SUFU: variants seen among roughly 807,000 people sequenced by gnomAD.
The protein encoded by SUFU is suppressor of fused homolog.
In SUFU, 7 loss-of-function variants were observed where a neutral mutation model predicts 58.9. The observed-to-expected ratio is 0.12, with a 90% CI of 0.07 to 0.22. SUFU has a LOEUF of 0.22. Among genes scored for constraint, SUFU ranks in the 10% least tolerant of loss-of-function variants. SUFU has a pLI of 1.00. For missense variants in SUFU, 451 were observed against 641.3 expected (o/e 0.70, Z 3.20); for synonymous variants, 232 against 254.8 (o/e 0.91, Z 0.85).
Position 102,630,349 on chromosome 10 carries a change from C to T in SUFU, c.*194C>T, listed in dbSNP as rs796678894. ...TCCACCTCACCTCCAGCTCAGGGGC[C>T]GCACCCCGCCGCTGGCTAAGCCTTG... On this transcript the variant is annotated 3_prime_UTR_variant, in exon 12 of 12. Coordinates refer to ENST00000369902, the MANE Select transcript of SUFU (RefSeq NM_016169.4). 2.9e-5 allele frequency: 18 copies of T among 618,200 alleles called. No homozygotes were observed. Among genetic ancestry groups the T allele is most frequent in the South Asian group, 9.3e-5 (5 of 53,740 alleles). 38.3% of individuals were successfully genotyped at this position (618,200 alleles called of 1,614,324 possible).
chr10:102,578,055 C>T (rs1431738948), intron 3 of SUFU, among the ~76,000 whole-genome samples: 2 of 148,998 alleles, frequency 1.3e-5, no homozygotes, highest in Admixed American at 6.7e-5. Context: ...TGCCTGTAAT[C>T]CCAGTACTTT....
At chr10:102,582,935 A>C (rs758591516) in intron 3 of SUFU, among the ~76,000 whole-genome samples, 3 of 152,128 alleles carry the variant, frequency 2.0e-5, no homozygotes, top group Admixed American at 6.5e-5. Flanking sequence ...TGACTTTTCA[A>C]TGAGGATACC....
At position 102,593,975 on chromosome 10, in the gene SUFU, C is replaced by T; in HGVS notation, c.684-18C>T. ...CCAGACCCTCAGTTACCATTGTATC[C>T]CCTTTCCTTGTCCACAGTGCTGGCG... On this transcript the variant is annotated intron_variant, in intron 5 of 11. Coordinates refer to ENST00000369902, the MANE Select transcript of SUFU (RefSeq NM_016169.4). The T allele has an allele frequency of 6.2e-7, 1 of 1,614,090 alleles. No homozygotes were observed. The highest frequency in any genetic ancestry group is 8.5e-7 in the Non-Finnish European group (1 of 1,179,972).
chr10:102,533,475 G>T (rs1017935933), intron 2 of SUFU, among the ~76,000 whole-genome samples: 4 of 151,902 alleles, frequency 2.6e-5, no homozygotes, highest in African/African-American at 9.7e-5. Flanking sequence ...TTGGGAGGTT[G>T]AGGTGAGAGG....
chr10:102,515,497 G>C (rs2062457785), intron 2 of SUFU, among the ~76,000 whole-genome samples: 1 of 151,920 alleles, frequency 6.6e-6, no homozygotes, highest in Non-Finnish European at 1.5e-5. Context: ...TGTATTTTTA[G>C]TAGAGACGGG....
At chr10:102,585,220 T>G (rs561635599) in intron 3 of SUFU, among the ~76,000 whole-genome samples, 92 of 152,328 alleles carry the variant, frequency 6.0e-4, no homozygotes, top group African/African-American at 2.0e-3. Context: ...AACCTCATAT[T>G]GGTCACTCCC....
intron 3 of SUFU, among the ~76,000 whole-genome samples, chr10:102,555,852 G>A (rs2062970100): frequency 6.6e-6 from 1 of 152,224 alleles, no homozygotes; most frequent in South Asian, 2.1e-4. Flanking sequence ...ACATGCATAT[G>A]TACTGTACAG....
At position 102,546,087 on chromosome 10, in the gene SUFU, G is replaced by T. The variant is rs1000381240; in HGVS notation, c.318-3883G>T. Among the ~76,000 whole-genome samples, 12 of 152,318 alleles carry T rather than the reference G, an allele frequency of 7.9e-5. 1 individual carries two copies. The Middle Eastern group carries it at 0.014, about 173-fold the overall frequency. Reference sequence around the variant, plus strand: ...TGAGGTACTCTGGGGGAGACCTTTGGGTGAGTTCTGATGGTCAGGCTGTTG... The same window carrying T: ...TGAGGTACTCTGGGGGAGACCTTTGTGTGAGTTCTGATGGTCAGGCTGTTG... On this transcript the variant is annotated intron_variant, in intron 2 of 11. Transcript: ENST00000369902.
chr10:102,553,300 C>T (rs1024384246), intron 3 of SUFU, among the ~76,000 whole-genome samples: 4 of 151,986 alleles, frequency 2.6e-5, no homozygotes, highest in Non-Finnish European at 5.9e-5. Context: ...TGGCTATGGG[C>T]CTAAATGGTG....
chr10:102,504,794 TG>T (rs984369306), intron 1 of SUFU, among the ~76,000 whole-genome samples: 2 of 126,360 alleles, frequency 1.6e-5, no homozygotes, highest in African/African-American at 6.0e-5. Context: ...CTGCATAGAA[TG>T]GGGGGTTCGG....
intron 8 of SUFU, among the ~76,000 whole-genome samples, chr10:102,602,006 A>G (rs2063518658): frequency 1.3e-5 from 2 of 152,254 alleles, no homozygotes; most frequent in South Asian, 4.1e-4. Context: ...GCAGCTGATC[A>G]AGCCTGGGCA....
At chr10:102,603,256 G>A (rs1408459532) in intron 8 of SUFU, among the ~76,000 whole-genome samples, 1 of 152,090 alleles carries the variant, frequency 6.6e-6, no homozygotes, top group Non-Finnish European at 1.5e-5. Context: ...CGAGCTCCTG[G>A]CCTCAAGTGA....
Position 102,560,357 on chromosome 10 carries a change from G to A in SUFU, c.454+10251G>A, listed in dbSNP as rs183585102. 3.3e-3 allele frequency among the ~76,000 whole-genome samples: 509 copies of A among 152,150 alleles called. 5 individuals carry two copies. The highest frequency in any genetic ancestry group is 0.012 in the African/African-American group (478 of 41,506). Reference sequence around the variant, plus strand: ...GGCTGAGATGGGTGGATCACTTGAGGTCAGGAGTTTGAGACCAGCCTGGCC... The same window carrying A: ...GGCTGAGATGGGTGGATCACTTGAGATCAGGAGTTTGAGACCAGCCTGGCC... On this transcript the variant is annotated intron_variant, in intron 3 of 11. Transcript: ENST00000369902.
intron 1 of SUFU, among the ~76,000 whole-genome samples, chr10:102,505,868 A>G (rs749388128): frequency 2.6e-5 from 4 of 151,970 alleles, no homozygotes; most frequent in Admixed American, 6.6e-5. Context: ...TTTATATTTA[A>G]CTATGTGTTG....
chr10:102,506,482 G>C (rs113451617), intron 1 of SUFU, among the ~76,000 whole-genome samples: 1 of 152,048 alleles, frequency 6.6e-6, no homozygotes, highest in East Asian at 1.9e-4. Flanking sequence ...GGTTTCAAGC[G>C]ATTCTCGTGC....
At position 102,623,244 on chromosome 10, in the gene SUFU, A is replaced by G. The variant is rs148778950; in HGVS notation, c.1297-3931A>G. Among the ~76,000 whole-genome samples the G allele has an allele frequency of 1.9e-3, 295 of 152,274 alleles. 1 individual carries two copies. The highest frequency in any genetic ancestry group is 6.7e-3 in the African/African-American group (277 of 41,544). ...CAAATATCAGTGAGTGCTGTTATCA[A>G]TATTATTTCTACTGCTACTTTCTGG... On this transcript the variant is annotated intron_variant, in intron 10 of 11. Transcript: ENST00000369902.
At chr10:102,533,984 G>A (rs747801941) in intron 2 of SUFU, among the ~76,000 whole-genome samples, 4 of 152,240 alleles carry the variant, frequency 2.6e-5, no homozygotes, top group Non-Finnish European at 5.9e-5. Context: ...GTTTGGATTT[G>A]TGTAGACTGA....
At chr10:102,593,129 G>C (rs2063421290) in intron 4 of SUFU, among the ~76,000 whole-genome samples, 11 of 152,202 alleles carry the variant, frequency 7.2e-5, no homozygotes, top group Admixed American at 5.9e-4. Flanking sequence ...TCTATGTGAA[G>C]GTTCCACTGA....
intron 8 of SUFU, among the ~76,000 whole-genome samples, chr10:102,612,042 C>G (rs1237332450): frequency 6.6e-6 from 1 of 152,344 alleles, no homozygotes; most frequent in East Asian, 1.9e-4. Flanking sequence ...TAAGATTAAG[C>G]TGACAACCAT....
Sources: allele counts gnomAD v4.1 joint callset (sites outside exome capture counted in the v4.1 genomes callset), GRCh38; gene constraint gnomAD v4.1.1; transcripts MANE v1.5; gene names NCBI Gene and HGNC (gene_info 2026-07-23, HGNC 2026-07-21).